CPEB4: variants seen among roughly 807,000 people sequenced by gnomAD.
CPEB4 encodes cytoplasmic polyadenylation element binding protein 4, also known as cytoplasmic polyadenylation element-binding protein 4.
Under a neutral mutation model 72.5 loss-of-function variants are expected in CPEB4, and 12 were observed. That is an observed-to-expected ratio of 0.17 (90% CI 0.11 to 0.27). The LOEUF (loss-of-function observed/expected upper bound fraction) is 0.27, where lower values mean the gene tolerates loss of function less well. Ranked by LOEUF, CPEB4 falls within the 10% of genes least tolerant of loss-of-function variation. The probability of loss-of-function intolerance (pLI) is 1.00; values close to 1 mark genes in which losing one functional copy is unlikely to be tolerated. For synonymous variants in CPEB4, 302 were observed against 326.3 expected (o/e 0.93, Z 0.80); for missense variants, 614 against 908.5 (o/e 0.68, Z 4.17).
intron 5 of CPEB4, among the ~76,000 whole-genome samples, chr5:173,946,525 G>A (rs971184510): frequency 6.6e-6 from 1 of 152,156 alleles, no homozygotes; most frequent in Non-Finnish European, 1.5e-5. Context: ...AGAAATGCTG[G>A]CTTGCAAGCA....
At chr5:173,902,289 G>A (rs1011992791) in intron 1 of CPEB4, among the ~76,000 whole-genome samples, 4 of 152,066 alleles carry the variant, frequency 2.6e-5, no homozygotes, top group Non-Finnish European at 4.4e-5. Flanking sequence ...CTGTAGCCTG[G>A]TACAGATATG....
intron 1 of CPEB4, among the ~76,000 whole-genome samples, chr5:173,892,494 T>C (rs867301291): frequency 1.3e-5 from 2 of 152,322 alleles, no homozygotes; most frequent in Admixed American, 6.5e-5. Context: ...TTATGAATTA[T>C]TCTTATATTG....
chr5:173,928,436 C>T (rs978104766), intron 2 of CPEB4, among the ~76,000 whole-genome samples: 1 of 152,094 alleles, frequency 6.6e-6, no homozygotes, highest in Non-Finnish European at 1.5e-5. Context: ...ATCTTCCTCT[C>T]CATTCTGCTG....
At chr5:173,893,586 T>C (rs1271363116) in intron 1 of CPEB4, among the ~76,000 whole-genome samples, 1 of 152,090 alleles carries the variant, frequency 6.6e-6, no homozygotes, top group Admixed American at 6.5e-5. Context: ...AAAAAAAGAA[T>C]AAAAAGAATT....
At chr5:173,901,145 T>C (rs1175865490) in intron 1 of CPEB4, among the ~76,000 whole-genome samples, 1 of 152,212 alleles carries the variant, frequency 6.6e-6, no homozygotes, top group Non-Finnish European at 1.5e-5. Flanking sequence ...GAAATGTTTA[T>C]CATTTTAAGG....
In CPEB4 at chr5:173,957,481, A is replaced by T. The variant is rs924581355; in HGVS notation, c.*1344A>T. 6.5e-6 allele frequency: 1 copy of T among 152,810 alleles called. No homozygotes were observed. The highest frequency in any genetic ancestry group is 1.9e-4 in the East Asian group (1 of 5,342). 9.5% of individuals were successfully genotyped at this position (152,810 alleles called of 1,614,324 possible). The stretch of plus-strand genomic sequence containing the variant: ...GGACATAGTCAGTGTTTGAAGTGCC[A>T]ACTTCATCAAGTAATGCATGCTTTA... On this transcript the variant is annotated 3_prime_UTR_variant, in exon 10 of 10. Coordinates refer to ENST00000265085, the MANE Select transcript of CPEB4 (RefSeq NM_030627.4).
intron 1 of CPEB4, among the ~76,000 whole-genome samples, chr5:173,907,702 G>T (rs1206941955): frequency 6.6e-6 from 1 of 152,232 alleles, no homozygotes; most frequent in Non-Finnish European, 1.5e-5. Flanking sequence ...CAAGACCTAT[G>T]TGAGGCAGAG....
intron 8 of CPEB4, 74 bp downstream of exon 8, chr5:173,952,012 C>A: frequency 9.7e-7 from 1 of 1,026,984 alleles, no homozygotes; most frequent in African/African-American, 1.6e-5. Flanking sequence ...TAAATTTTTC[C>A]TAAGAATTGG....
intron 5 of CPEB4, 44 bp from the exon 6 acceptor site, chr5:173,949,464 C>T: frequency 2.2e-6 from 3 of 1,387,218 alleles, no homozygotes; most frequent in South Asian, 1.2e-5. Flanking sequence ...AAAAAATGAT[C>T]ATAAAAATAT....
At chr5:173,945,853 G>A (rs1363807971) in intron 5 of CPEB4, among the ~76,000 whole-genome samples, 7 of 152,214 alleles carry the variant, frequency 4.6e-5, no homozygotes, top group Non-Finnish European at 1.0e-4. Context: ...AAGACTTAGA[G>A]GGACTTGTTC....
chr5:173,928,061 C>G (rs1454856883), intron 2 of CPEB4, among the ~76,000 whole-genome samples: 8 of 152,052 alleles, frequency 5.3e-5, no homozygotes, highest in Non-Finnish European at 4.4e-5. Flanking sequence ...AGGCTGCATA[C>G]TTTATGATTC....
At position 173,959,668 on chromosome 5, in the gene CPEB4, A is replaced by G. The variant is rs1235613968; in HGVS notation, c.*3531A>G. On this transcript the variant is annotated 3_prime_UTR_variant, in exon 10 of 10. Transcript: ENST00000265085. ...GCTGGTGTTTCTAAAGAAAAGAATC[A>G]GAAATCAATCTTTCTACTAATGTAA... 6.5e-6 allele frequency: 1 copy of G among 152,770 alleles called. No homozygotes were observed. Among genetic ancestry groups the G allele is most frequent in the East Asian group, 1.9e-4 (1 of 5,334 alleles). 9.5% of individuals were successfully genotyped at this position (152,770 alleles called of 1,614,324 possible).
chr5:173,917,038 T>G (rs987651304), intron 2 of CPEB4, among the ~76,000 whole-genome samples: 7 of 152,228 alleles, frequency 4.6e-5, no homozygotes, highest in Non-Finnish European at 8.8e-5. Flanking sequence ...TGTATACTGG[T>G]AGAGAGGCAT....
At chr5:173,929,353 A>G (rs1457602039) in intron 2 of CPEB4, among the ~76,000 whole-genome samples, 1 of 152,216 alleles carries the variant, frequency 6.6e-6, no homozygotes, top group African/African-American at 2.4e-5. Context: ...GTGAAACTTC[A>G]TTGTGAAACC....
chr5:173,910,020 C>CA (rs1756586687), intron 1 of CPEB4, among the ~76,000 whole-genome samples: 1 of 150,988 alleles, frequency 6.6e-6, no homozygotes, highest in African/African-American at 2.4e-5. Context: ...AGATTTCTCT[C>CA]ATTTTTTTTT....
At chr5:173,944,273 A>C (rs1241131271) in intron 4 of CPEB4, among the ~76,000 whole-genome samples, 3 of 152,148 alleles carry the variant, frequency 2.0e-5, no homozygotes, top group African/African-American at 7.2e-5. Flanking sequence ...ATTATATCCC[A>C]TTAGTTAAGG....
Position 173,955,833 on chromosome 5 carries a change from T to A in CPEB4, c.1963-77T>A, listed in dbSNP as rs1758360350. 8.7e-7 allele frequency: 1 copy of A among 1,144,678 alleles called. No homozygotes were observed. The highest frequency in any genetic ancestry group is 2.0e-5 in the Admixed American group (1 of 50,588). The allele number at this position is 1,144,678 out of a possible 1,614,324, so 70.9% of individuals were successfully genotyped here. A position where few individuals can be genotyped will look rare whatever the true frequency, so the allele number is the denominator to read the frequency against. On this transcript the variant is annotated intron_variant, in intron 9 of 9. Transcript: ENST00000265085. This position sits in a 1 kb window ranked among gnomAD's most constrained non-coding sequence, Gnocchi z 4.7. Reference sequence around the variant, plus strand: ...CCTTGGAACAGATTCATTCAGATAGTGGGTGGAAATGTACATGTATGGTAA... The same window carrying A: ...CCTTGGAACAGATTCATTCAGATAGAGGGTGGAAATGTACATGTATGGTAA...
chr5:173,888,749 G>A lies in CPEB4; in HGVS notation c.-985G>A, dbSNP rs1159584808. The A allele has an allele frequency of 7.8e-6, 3 of 384,550 alleles. No individual in the cohort carries two copies. The highest frequency in any genetic ancestry group is 7.3e-5 in the East Asian group (2 of 27,334). 23.8% of individuals were successfully genotyped at this position (384,550 alleles called of 1,614,324 possible). On this transcript the variant is annotated 5_prime_UTR_variant, in exon 1 of 10. Coordinates refer to ENST00000265085, the MANE Select transcript of CPEB4 (RefSeq NM_030627.4). This position sits in a 1 kb window ranked among gnomAD's most constrained non-coding sequence, Gnocchi z 4.3. ...TGAGGGAACTGAACAAACCGCCCCTGGGTCCCATGAGGGAAAAAAACCCCG... is the reference window on the plus strand; with the variant it reads ...TGAGGGAACTGAACAAACCGCCCCTAGGTCCCATGAGGGAAAAAAACCCCG...
In CPEB4 at chr5:173,956,553, G is replaced by A. The variant is rs141254933; in HGVS notation, c.*416G>A. The A allele has an allele frequency of 6.9e-3, 1,040 of 151,024 alleles. 6 individuals are homozygous for A. Among genetic ancestry groups the A allele is most frequent in the Non-Finnish European group, 0.01 (711 of 68,646 alleles). The allele number at this position is 151,024 out of a possible 1,614,324, so 9.4% of individuals were successfully genotyped here. ...ATAACCATGCAACAATAACACTATC[G>A]GTCTATCTGACAGTTTTTCCCCCAG... On this transcript the variant is annotated 3_prime_UTR_variant, in exon 10 of 10. Transcript: ENST00000265085.
Sources: allele counts gnomAD v4.1 joint callset (sites outside exome capture counted in the v4.1 genomes callset), GRCh38; gene constraint gnomAD v4.1.1; non-coding constraint Gnocchi (gnomAD v3.1); transcripts MANE v1.5; gene names NCBI Gene and HGNC (gene_info 2026-07-23, HGNC 2026-07-21).